The following SHCBP1 variants were observed in gnomAD, a reference collection of about 807,000 sequenced individuals.
SHCBP1 encodes the protein SHC SH2 domain-binding protein 1.
A neutral mutation model predicts 75.1 loss-of-function variants in SHCBP1; 60 were observed. That is an observed-to-expected ratio of 0.80 (90% CI 0.65 to 0.99). The LOEUF is 0.99. Among genes scored for constraint, SHCBP1 ranks in the 50% least tolerant of loss-of-function variants. The probability of loss-of-function intolerance (pLI) is 0.00; values close to 1 mark genes in which losing one functional copy is unlikely to be tolerated. For synonymous variants in SHCBP1, 290 were observed against 293.2 expected, an observed-to-expected ratio of 0.99 and a Z score of 0.11; for missense variants, 709 against 809.4, an observed-to-expected ratio of 0.88 and a Z score of 1.50.
chr16:46,599,669 TAA>T lies in SHCBP1; in HGVS notation c.1345+160_1345+161del, dbSNP rs1555519115. Among the ~76,000 whole-genome samples the T allele has an allele frequency of 7.3e-4, 17 of 23,156 alleles. No individual in the cohort carries two copies. The Admixed American group carries it at 0.012, about 17-fold the overall frequency. The allele number at this position is 23,156 out of a possible 152,430, so 15.2% of individuals were successfully genotyped here. ...CAGGGTTGCCACAACCTTCAATTTG[TAA>T]AAAAAAAAAAAAAAAAAAAAACTCA... On this transcript the variant is annotated intron_variant, in intron 9 of 12. Coordinates refer to ENST00000303383, the MANE Select transcript of SHCBP1 (RefSeq NM_024745.5).
intron 3 of SHCBP1, among the ~76,000 whole-genome samples, chr16:46,617,330 G>A (rs961725374): frequency 3.3e-5 from 5 of 152,142 alleles, no homozygotes; most frequent in African/African-American, 4.8e-5. Context: ...GCTGCTTAAC[G>A]AATTACAATT....
Position 46,599,875 on chromosome 16 carries a change from G to A in SHCBP1, c.1301C>T (p.Ser434Leu), listed in dbSNP as rs746511129. ...ATCATGCTGAACAAATTTTATGCCT[G>A]AGATTTTAATATCAGCACCAGTGCA... is the stretch of plus-strand genomic sequence containing the variant. ...VDCTGADIKISGIKFVQHDAV... is the reference protein window; with the variant it reads ...VDCTGADIKILGIKFVQHDAV... Residue 434 changes from serine to leucine, a missense_variant, in exon 9 of 13, where the codon TCA becomes TTA. Transcript: ENST00000303383. The A allele has an allele frequency of 2.5e-6, 4 of 1,612,102 alleles. No homozygotes were observed. In the African/African-American group the frequency reaches 5.3e-5, roughly 22 times the overall value.
chr16:46,600,960 A>C (rs942410345), intron 8 of SHCBP1, among the ~76,000 whole-genome samples: 3 of 151,976 alleles, frequency 2.0e-5, no homozygotes, highest in Non-Finnish European at 4.4e-5. Context: ...CAGTGAGAGG[A>C]GATCGTGCCA....
intron 10 of SHCBP1, among the ~76,000 whole-genome samples, chr16:46,591,950 G>C (rs1339236844): frequency 6.6e-6 from 1 of 151,888 alleles, no homozygotes; most frequent in Non-Finnish European, 1.5e-5. Context: ...AAAACAGCTA[G>C]AGCAATGCTG....
rs192604924 is a variant in SHCBP1 at position 46,611,875 on chromosome 16, T to C, written c.597-3486A>G. Reference sequence around the variant, plus strand: ...CCCTAATGGTTGCAGCAGTCATCGATGTTCACTGTCTAGAACCTTTATTTC... The same window carrying C: ...CCCTAATGGTTGCAGCAGTCATCGACGTTCACTGTCTAGAACCTTTATTTC... On this transcript the variant is annotated intron_variant, in intron 4 of 12. Coordinates refer to ENST00000303383, the MANE Select transcript of SHCBP1 (RefSeq NM_024745.5). Among the ~76,000 whole-genome samples, 205 of 152,376 alleles carry C rather than the reference T, an allele frequency of 1.3e-3. 1 individual carries two copies. Among genetic ancestry groups the C allele is most frequent in the African/African-American group, 3.0e-3 (123 of 41,588 alleles).
chr16:46,592,662 C>A (rs1027245320), intron 10 of SHCBP1, among the ~76,000 whole-genome samples: 8 of 151,706 alleles, frequency 5.3e-5, no homozygotes, highest in Non-Finnish European at 1.2e-4. Context: ...AAACTAGAGT[C>A]CAATATTCAT....
intron 10 of SHCBP1, among the ~76,000 whole-genome samples, chr16:46,590,344 C>G (rs1332747007): frequency 6.6e-6 from 1 of 152,174 alleles, no homozygotes; most frequent in Non-Finnish European, 1.5e-5. Context: ...AGAGCTTCTG[C>G]ACAGCAGAAC....
chr16:46,600,055 G>A lies in SHCBP1; in HGVS notation c.1214-93C>T, dbSNP rs1596679227. The stretch of plus-strand genomic sequence containing the variant: ...ACAAGTTTCTCTAGTTTAAATGACT[G>A]CAGATGATAATGAGACCAGTCAACC... On this transcript the variant is annotated intron_variant, in intron 8 of 12. Transcript: ENST00000303383. The A allele has an allele frequency of 8.6e-6, 12 of 1,390,426 alleles. No individual in the cohort carries two copies. In the East Asian group the frequency reaches 2.4e-4, roughly 28 times the overall value. The allele number at this position is 1,390,426 out of a possible 1,614,324, so 86.1% of individuals were successfully genotyped here.
chr16:46,599,688 A>AAAAAAAAAAAAAAAATAAAAC (rs55869621), intron 9 of SHCBP1, 143 bp downstream of exon 9: 1 of 74,240 alleles, frequency 1.3e-5, no homozygotes, highest in Admixed American at 2.5e-4. Flanking sequence ...AAAAAAAAAA[A>AAAAAAAAAAAAAAAATAAAAC]AAAACTCAGC....
chr16:46,594,289 G>T (rs1426319063), intron 10 of SHCBP1, among the ~76,000 whole-genome samples: 2 of 152,158 alleles, frequency 1.3e-5, no homozygotes. Flanking sequence ...AAGGCCATAT[G>T]AAGAAGGTGA....
At chr16:46,606,243 T>C (rs974698364) in intron 5 of SHCBP1, among the ~76,000 whole-genome samples, 1 of 152,232 alleles carries the variant, frequency 6.6e-6, no homozygotes, top group African/African-American at 2.4e-5. Context: ...TAGTCACATA[T>C]AAGCAGTGTG....
intron 4 of SHCBP1, among the ~76,000 whole-genome samples, chr16:46,608,617 T>TC (rs1965360295): frequency 6.6e-6 from 1 of 150,622 alleles, no homozygotes; most frequent in South Asian, 2.1e-4. Context: ...TTTTTTTTTT[T>TC]TTTTGAGACA....
intron 5 of SHCBP1, among the ~76,000 whole-genome samples, chr16:46,607,570 G>A (rs763801858): frequency 8.6e-5 from 13 of 151,982 alleles, no homozygotes; most frequent in South Asian, 2.1e-4. Flanking sequence ...TCTTTCAAAC[G>A]GGGGGAAAAA....
chr16:46,604,752 C>T (rs745921667), intron 5 of SHCBP1, among the ~76,000 whole-genome samples: 6 of 152,096 alleles, frequency 3.9e-5, no homozygotes, highest in Non-Finnish European at 5.9e-5. Flanking sequence ...GTTCAGGTTA[C>T]ACAATTTTAT....
In SHCBP1 at chr16:46,596,478, G is replaced by A. The variant is rs1965144847; in HGVS notation, c.1346-808C>T. On this transcript the variant is annotated intron_variant, in intron 9 of 12. Coordinates refer to ENST00000303383, the MANE Select transcript of SHCBP1 (RefSeq NM_024745.5). ...GCAGAGATCACACCACTGCACTCCA[G>A]CCTGGGTGACAGAGTGAGACCTCTG... 2.6e-5 allele frequency among the ~76,000 whole-genome samples: 4 copies of A among 152,046 alleles called. No homozygotes were observed. The South Asian group carries it at 6.3e-4, about 24-fold the overall frequency.
At chr16:46,608,487 A>G (rs1022414463) in intron 4 of SHCBP1, 98 bp from the exon 5 acceptor site, 48 of 754,070 alleles carry the variant, frequency 6.4e-5, no homozygotes, top group South Asian at 5.7e-4. Context: ...AACAATTCTC[A>G]TATCTTAGAG....
intron 11 of SHCBP1, 93 bp from the exon 12 acceptor site, chr16:46,583,750 A>C: frequency 6.9e-7 from 1 of 1,445,022 alleles, no homozygotes. Flanking sequence ...TAAAAATAAA[A>C]GGAAAAAGCT....
chr16:46,597,567 C>G (rs532716572), intron 9 of SHCBP1, among the ~76,000 whole-genome samples: 3 of 152,172 alleles, frequency 2.0e-5, no homozygotes, highest in Non-Finnish European at 2.9e-5. Context: ...AACATGCTAA[C>G]AATCCTCTGA....
At chr16:46,606,284 C>T (rs1280140863) in intron 5 of SHCBP1, among the ~76,000 whole-genome samples, 2 of 152,146 alleles carry the variant, frequency 1.3e-5, no homozygotes, top group Non-Finnish European at 2.9e-5. Context: ...ATTTACTGCA[C>T]AGTACAAAAT....
Sources: allele counts gnomAD v4.1 joint callset (sites outside exome capture counted in the v4.1 genomes callset), GRCh38; gene constraint gnomAD v4.1.1; transcripts MANE v1.5; gene names NCBI Gene and HGNC (gene_info 2026-07-23, HGNC 2026-07-21).